RASEF: variants seen among roughly 807,000 people sequenced by gnomAD.
RASEF encodes the protein RAS and EF-hand domain containing.
Under a neutral mutation model 90.1 loss-of-function variants are expected in RASEF, and 68 were observed. The ratio of observed to expected loss-of-function variants is 0.75; its 90% CI spans 0.62 to 0.92. The LOEUF (loss-of-function observed/expected upper bound fraction) is 0.92, where lower values mean the gene tolerates loss of function less well. RASEF is among the 40% of genes least tolerant of loss of function. RASEF has a pLI of 0.00. For missense variants in RASEF, 949 were observed against 937.2 expected (o/e 1.01, Z -0.16); for synonymous variants, 331 against 345.2 (o/e 0.96, Z 0.46).
At chr9:83,019,321 A>G (rs1829401428) in intron 3 of RASEF, among the ~76,000 whole-genome samples, 1 of 151,656 alleles carries the variant, frequency 6.6e-6, no homozygotes, top group African/African-American at 2.4e-5. Flanking sequence ...AAGATACTTC[A>G]GCAAAAAATA....
chr9:83,161,960 C>T, the RASEF span, among the ~76,000 whole-genome samples: 1 of 152,080 alleles, frequency 6.6e-6, no homozygotes, highest in African/African-American at 2.4e-5. Context: ...CCACATGGAA[C>T]TGTAAGTCCA....
the RASEF span, among the ~76,000 whole-genome samples, chr9:83,110,320 T>A: frequency 6.6e-6 from 1 of 152,136 alleles, no homozygotes; most frequent in Non-Finnish European, 1.5e-5. Flanking sequence ...CCCTTCCCAA[T>A]TGGCTTGAGG....
At chr9:83,132,053 T>C in the RASEF span, among the ~76,000 whole-genome samples, 1 of 152,220 alleles carries the variant, frequency 6.6e-6, no homozygotes, top group African/African-American at 2.4e-5. Flanking sequence ...TACATGTTCT[T>C]CTAGAACTTT....
chr9:83,218,212 A>G, the RASEF span, among the ~76,000 whole-genome samples: 120,697 of 152,122 alleles, frequency 0.79, 48,150 homozygotes, highest in East Asian at 1. Context: ...TCAAAGTACC[A>G]AGTGTGCACG....
the RASEF span, among the ~76,000 whole-genome samples, chr9:83,128,942 A>C: frequency 2.6e-5 from 4 of 152,262 alleles, no homozygotes; most frequent in Admixed American, 2.6e-4. Context: ...GTAATTTGTT[A>C]ATCAATATTT....
intron 6 of RASEF, 65 bp from the exon 7 acceptor site, chr9:83,007,570 C>A: frequency 9.2e-7 from 1 of 1,083,340 alleles, no homozygotes; most frequent in Non-Finnish European, 1.4e-6. Context: ...CGTATACCTA[C>A]CCTCCCAGAC....
At chr9:83,219,009 T>C in the RASEF span, among the ~76,000 whole-genome samples, 6 of 152,204 alleles carry the variant, frequency 3.9e-5, no homozygotes, top group South Asian at 1.2e-3. Flanking sequence ...AGATAAAATG[T>C]TAAGAAGAAA....
At chr9:83,148,545 C>T in the RASEF span, among the ~76,000 whole-genome samples, 2 of 152,140 alleles carry the variant, frequency 1.3e-5, no homozygotes, top group Non-Finnish European at 2.9e-5. Context: ...TTCCCTCTCA[C>T]AGCCCTCAGA....
chr9:83,006,201 G>A (rs1276295765), intron 7 of RASEF, among the ~76,000 whole-genome samples: 1 of 152,192 alleles, frequency 6.6e-6, no homozygotes, highest in African/African-American at 2.4e-5. Context: ...GACCTTCTTT[G>A]ATAGGCCAAT....
chr9:83,056,374 CACTCAGAATAAAT>C (rs1830104253), intron 1 of RASEF, among the ~76,000 whole-genome samples: 2 of 152,306 alleles, frequency 1.3e-5, no homozygotes, highest in South Asian at 4.1e-4. Flanking sequence ...CAGCCCTGAA[CACTCAGAATAAAT>C]ATTCTCTTCC....
intron 1 of RASEF, among the ~76,000 whole-genome samples, chr9:83,043,968 T>C (rs1479716553): frequency 6.6e-6 from 1 of 152,178 alleles, no homozygotes; most frequent in Non-Finnish European, 1.5e-5. Flanking sequence ...GGGAACGGAA[T>C]AATGAATCTA....
the RASEF span, among the ~76,000 whole-genome samples, chr9:83,104,804 C>G: frequency 6.6e-6 from 1 of 152,200 alleles, no homozygotes; most frequent in Non-Finnish European, 1.5e-5. Flanking sequence ...TATTAGTTCT[C>G]TAAAAACATT....
the RASEF span, among the ~76,000 whole-genome samples, chr9:83,084,810 C>T: frequency 6.6e-6 from 1 of 151,948 alleles, no homozygotes; most frequent in African/African-American, 2.4e-5. Context: ...ATTTTTTTCT[C>T]TCAAATTAAA....
At chr9:83,199,000 T>C in the RASEF span, among the ~76,000 whole-genome samples, 2 of 152,204 alleles carry the variant, frequency 1.3e-5, no homozygotes, top group African/African-American at 2.4e-5. Flanking sequence ...CAAATAACTA[T>C]GCAAAGCAAT....
chr9:83,158,172 G>A, the RASEF span, among the ~76,000 whole-genome samples: 90 of 151,926 alleles, frequency 5.9e-4, no homozygotes, highest in Non-Finnish European at 9.7e-4. Flanking sequence ...ACTAAAAATG[G>A]ACAATCATGC....
chr9:83,206,871 C>G, the RASEF span, among the ~76,000 whole-genome samples: 5 of 152,116 alleles, frequency 3.3e-5, no homozygotes, highest in Non-Finnish European at 7.3e-5. Context: ...CCAGCCTTCT[C>G]CTTGGGGATG....
Position 83,012,511 on chromosome 9 carries a change from G to A in RASEF, c.766C>T (p.Leu256Phe). The A allele has an allele frequency of 6.3e-7, 1 of 1,576,122 alleles. No individual in the cohort carries two copies. The highest frequency in any genetic ancestry group is 8.6e-7 in the Non-Finnish European group (1 of 1,159,126). Residue 256 changes from leucine (L) to phenylalanine (F), a missense_variant and splice_region_variant, in exon 5 of 17, where the codon CTC becomes TTC. Leu to Phe is a conservative substitution (Grantham distance 22). Transcript: ENST00000376447. ...CTTACGCGTTTTGATTGTTCTTCGA[G>A]CTGAAAGACCAAATAAAAGTTGTGT... The part of the protein sequence containing the change: ...LQVTIKKLRK[L>F]EEQSKRVSQK...
chr9:83,099,999 T>C, the RASEF span, among the ~76,000 whole-genome samples: 1 of 152,214 alleles, frequency 6.6e-6, no homozygotes, highest in African/African-American at 2.4e-5. Context: ...CAATCCAACA[T>C]TATGTACATA....
chr9:83,107,562 A>C, the RASEF span, among the ~76,000 whole-genome samples: 1 of 152,158 alleles, frequency 6.6e-6, no homozygotes, highest in Non-Finnish European at 1.5e-5. Flanking sequence ...TTTTTGACCT[A>C]TCGCTCTCCT....
Sources: gnomAD v4.1 joint callset for allele counts (sites outside exome capture counted in the v4.1 genomes callset) on GRCh38, gnomAD v4.1.1 for gene constraint, MANE v1.5 for transcripts, NCBI Gene and HGNC (gene_info 2026-07-23, HGNC 2026-07-21) for gene names.